The following FAM163B variants were observed in gnomAD, a reference collection of about 807,000 sequenced individuals.
FAM163B encodes the protein family with sequence similarity 163 member B.
In FAM163B, 4 loss-of-function variants were observed where a neutral mutation model predicts 7.6. The observed-to-expected ratio is 0.52, with a 90% confidence interval of 0.26 to 1.20. The LOEUF is 1.20. FAM163B is among the 50% of genes most tolerant of loss of function. The pLI, the probability that FAM163B is intolerant of heterozygous loss-of-function variation, is 0.14. For synonymous variants in FAM163B, 120 were observed against 111.6 expected, an observed-to-expected ratio of 1.07 and a Z score of -0.47; for missense variants, 250 against 243.0, an observed-to-expected ratio of 1.03 and a Z score of -0.19.
At position 133,593,278 on chromosome 9, in the gene FAM163B, G is replaced by C. The variant is rs529714674; in HGVS notation, c.-23-13032C>G. Among the ~76,000 whole-genome samples, 7 of 152,326 alleles carry C rather than the reference G, an allele frequency of 4.6e-5. No individual in the cohort carries two copies. The East Asian group carries it at 1.2e-3, about 25-fold the overall frequency. ...CTTCTTGCTCAGCCAACCAAGCAAAGTGATGCCTGGAGTTGGCTGTTTCCT... is the reference window on the plus strand; with the variant it reads ...CTTCTTGCTCAGCCAACCAAGCAAACTGATGCCTGGAGTTGGCTGTTTCCT... On this transcript the variant is annotated intron_variant, in intron 1 of 2. Coordinates refer to ENST00000673969, the MANE Select transcript of FAM163B (RefSeq NM_001080515.3).
chr9:133,594,106 A>G (rs3025311), intron 1 of FAM163B, among the ~76,000 whole-genome samples: 58,694 of 152,112 alleles, frequency 0.39, 11,585 homozygotes, highest in Admixed American at 0.46. Flanking sequence ...TGTAGACCAC[A>G]CTGAGGTTTG....
chr9:133,593,868 C>A (rs1312469062), intron 1 of FAM163B, among the ~76,000 whole-genome samples: 2 of 152,212 alleles, frequency 1.3e-5, no homozygotes, highest in African/African-American at 4.8e-5. Context: ...TCACTGGCCT[C>A]TCCTTGGAAT....
intron 1 of FAM163B, among the ~76,000 whole-genome samples, chr9:133,607,633 G>C (rs968879541): frequency 6.6e-6 from 1 of 152,202 alleles, no homozygotes; most frequent in Non-Finnish European, 1.5e-5. Context: ...TTCCGGCTGA[G>C]TCTAGACAAG....
chr9:133,605,927 T>A (rs73557657), intron 1 of FAM163B, among the ~76,000 whole-genome samples: 2,035 of 152,064 alleles, frequency 0.013, 36 homozygotes, highest in African/African-American at 0.047. Flanking sequence ...CAGGGCCCCC[T>A]CTCCAAGTCA....
At chr9:133,607,113 G>T (rs1831799339) in intron 1 of FAM163B, among the ~76,000 whole-genome samples, 1 of 152,166 alleles carries the variant, frequency 6.6e-6, no homozygotes, top group African/African-American at 2.4e-5. Flanking sequence ...TGGCAAAAAG[G>T]GAGGAACTGC....
intron 1 of FAM163B, among the ~76,000 whole-genome samples, chr9:133,594,554 G>C (rs1194082415): frequency 6.6e-6 from 1 of 152,104 alleles, no homozygotes; most frequent in Non-Finnish European, 1.5e-5. Context: ...GGCTCTAGTA[G>C]CACCCTCTGT....
chr9:133,588,348 A>G (rs1831472675), intron 1 of FAM163B, among the ~76,000 whole-genome samples: 1 of 152,092 alleles, frequency 6.6e-6, no homozygotes, highest in Non-Finnish European at 1.5e-5. Flanking sequence ...GAAGGCTACC[A>G]CGCTACTTAA....
intron 1 of FAM163B, among the ~76,000 whole-genome samples, chr9:133,582,440 T>C (rs912476867): frequency 2.0e-5 from 3 of 152,236 alleles, no homozygotes; most frequent in Admixed American, 6.5e-5. Context: ...ACCAGTAAGA[T>C]GAGGGATCTG....
intron 1 of FAM163B, among the ~76,000 whole-genome samples, chr9:133,582,723 C>T (rs1490018800): frequency 2.0e-5 from 3 of 152,218 alleles, no homozygotes; most frequent in East Asian, 3.9e-4. Flanking sequence ...TGGACGTGCA[C>T]CCCAGGCTGG....
At chr9:133,591,540 C>G (rs759489588) in intron 1 of FAM163B, among the ~76,000 whole-genome samples, 30 of 152,320 alleles carry the variant, frequency 2.0e-4, no homozygotes, top group Non-Finnish European at 3.5e-4. Flanking sequence ...CCTGGTGCCC[C>G]CATAGCACCC....
intron 1 of FAM163B, among the ~76,000 whole-genome samples, chr9:133,595,868 G>A (rs547299036): frequency 8.5e-5 from 13 of 152,290 alleles, no homozygotes; most frequent in Admixed American, 3.3e-4. Context: ...ACAGGGGCTC[G>A]GTCTCTTTAT....
chr9:133,579,164 C>A lies in FAM163B; in HGVS notation c.359G>T (p.Arg120Leu), dbSNP rs776624508. The A allele has an allele frequency of 6.2e-7, 1 of 1,610,522 alleles. No homozygotes were observed. The highest frequency in any genetic ancestry group is 8.5e-7 in the Non-Finnish European group (1 of 1,179,760). The part of the protein sequence containing the change: ...EEEDVLNGGE[R>L]VLYKSVSQED... ...CTGGCTCACGCTCTTGTAGAGCACGCGCTCCCCGCCGTTCAGCACGTCCTC... is the reference window on the plus strand; with the variant it reads ...CTGGCTCACGCTCTTGTAGAGCACGAGCTCCCCGCCGTTCAGCACGTCCTC... Residue 120 changes from arginine (R) to leucine (L), a missense_variant, in exon 3 of 3, where the codon CGC (arginine) becomes CTC (leucine). Physicochemically the swap from Arg to Leu is moderately radical, Grantham distance 102 (BLOSUM62 -2). Coordinates refer to ENST00000673969, the MANE Select transcript of FAM163B (RefSeq NM_001080515.3).
intron 1 of FAM163B, among the ~76,000 whole-genome samples, chr9:133,582,404 G>T (rs1403444192): frequency 6.6e-6 from 1 of 152,220 alleles, no homozygotes; most frequent in Non-Finnish European, 1.5e-5. Context: ...GAGGCCTGGA[G>T]AGAAATGACC....
In FAM163B at chr9:133,579,296, G is replaced by A; in HGVS notation, c.227C>T (p.Ala76Val). The A allele has an allele frequency of 6.2e-7, 1 of 1,613,460 alleles. No individual in the cohort carries two copies. Among genetic ancestry groups the A allele is most frequent in the Non-Finnish European group, 8.5e-7 (1 of 1,179,924 alleles). The change falls in exon 3 of 3, where the codon GCC becomes GTC. Residue 76 changes from alanine (A) to valine (V), a missense_variant. Physicochemically the swap from Ala to Val is moderately conservative, Grantham distance 64. Coordinates refer to ENST00000673969, the MANE Select transcript of FAM163B (RefSeq NM_001080515.3). ...GGACTTCTGGCTGAAGGAGGTGGAG[G>A]CGGTGGGGTAGAGCGCCGGCCCGTT... Reference protein sequence around the residue: ...LTNGPALYPTASTSFSQKSPQ... With the variant: ...LTNGPALYPTVSTSFSQKSPQ...
intron 1 of FAM163B, among the ~76,000 whole-genome samples, chr9:133,581,109 G>C (rs1356461692): frequency 6.6e-6 from 1 of 152,144 alleles, no homozygotes; most frequent in African/African-American, 2.4e-5. Flanking sequence ...CAAACACAAC[G>C]CAGGGAGGCT....
At chr9:133,598,568 G>A (rs560445227) in intron 1 of FAM163B, among the ~76,000 whole-genome samples, 14 of 149,868 alleles carry the variant, frequency 9.3e-5, no homozygotes, top group African/African-American at 2.9e-4. Flanking sequence ...AGATAATTTC[G>A]GCCCAGGAGC....
chr9:133,580,949 T>C (rs1180165440), intron 1 of FAM163B, among the ~76,000 whole-genome samples: 1 of 152,242 alleles, frequency 6.6e-6, no homozygotes, highest in East Asian at 1.9e-4. Context: ...AAGAAATATT[T>C]TTAGCAATGT....
At chr9:133,583,409 T>G (rs1452010374) in intron 1 of FAM163B, among the ~76,000 whole-genome samples, 2 of 152,148 alleles carry the variant, frequency 1.3e-5, no homozygotes, top group Admixed American at 1.3e-4. Context: ...AACCCCCAAG[T>G]GCCAGCCTGG....
chr9:133,605,359 C>T (rs1831777279), intron 1 of FAM163B, among the ~76,000 whole-genome samples: 1 of 152,232 alleles, frequency 6.6e-6, no homozygotes, highest in African/African-American at 2.4e-5. Flanking sequence ...CTCTTGTCCA[C>T]TCAGCCACAC....
Sources: allele counts gnomAD v4.1 joint callset (sites outside exome capture counted in the v4.1 genomes callset), GRCh38; gene constraint gnomAD v4.1.1; transcripts MANE v1.5; gene names NCBI Gene and HGNC (gene_info 2026-07-23, HGNC 2026-07-21).